The following EIF2AK4 variants were observed in gnomAD, a reference collection of about 807,000 sequenced individuals.
The protein encoded by EIF2AK4 is eukaryotic translation initiation factor 2 alpha kinase 4.
EIF2AK4 carries 139 observed loss-of-function variants against 211.1 expected under a neutral mutation model. That is an observed-to-expected ratio of 0.66 (90% CI 0.57 to 0.76). EIF2AK4 has a LOEUF of 0.76. Among genes scored for constraint, EIF2AK4 ranks in the 30% least tolerant of loss-of-function variants. The pLI is 0.00. For missense variants in EIF2AK4, 1,664 were observed against 2,043.8 expected (o/e 0.81, Z 3.58); for synonymous variants, 710 against 751.3 (o/e 0.94, Z 0.90).
intron 6 of EIF2AK4, among the ~76,000 whole-genome samples, chr15:39,958,906 T>A (rs893117167): frequency 6.1e-5 from 9 of 148,330 alleles, no homozygotes; most frequent in East Asian, 1.9e-4. Context: ...CTTGGCTTTT[T>A]AAAAAAAAAA....
intron 12 of EIF2AK4, chr15:39,977,823 G>A: frequency 1.1e-5 from 3 of 279,396 alleles, no homozygotes; most frequent in Non-Finnish European, 6.6e-6. Flanking sequence ...TATCCAAGTG[G>A]ATACAGTTTA....
At chr15:40,017,501 C>CTTTATATATATATATATATATG (rs1363648720) in intron 29 of EIF2AK4, among the ~76,000 whole-genome samples, 2 of 26,124 alleles carry the variant, frequency 7.7e-5, no homozygotes, top group African/African-American at 3.1e-4. Context: ...TACTCTGTTT[C>CTTTATATATATATATATATATG]TATATATATA....
At chr15:39,982,204 G>A (rs542907651) in intron 13 of EIF2AK4, among the ~76,000 whole-genome samples, 5 of 152,296 alleles carry the variant, frequency 3.3e-5, no homozygotes, top group Admixed American at 2.6e-4. Context: ...GATTACAGGC[G>A]TGAGCCATCG....
chr15:40,028,294 C>T (rs2035493237), intron 33 of EIF2AK4, among the ~76,000 whole-genome samples: 1 of 152,062 alleles, frequency 6.6e-6, no homozygotes, highest in South Asian at 2.1e-4. Flanking sequence ...AGGCTGGTCT[C>T]CAACTCCTGG....
At position 39,987,864 on chromosome 15, in the gene EIF2AK4, C is replaced by T; in HGVS notation, c.2404-119C>T. The T allele has an allele frequency of 4.3e-6, 5 of 1,156,636 alleles. No individual in the cohort carries two copies. In the South Asian group the frequency reaches 1.0e-4, roughly 23 times the overall value. 71.6% of individuals were successfully genotyped at this position (1,156,636 alleles called of 1,614,324 possible). A position where few individuals can be genotyped will look rare whatever the true frequency, so the allele number is the denominator to read the frequency against. ...TTTCGTGTAGAAAACCAAGTCTTTC[C>T]CCTAACCGTTTAAAACCCATGGTAC... On this transcript the variant is annotated intron_variant, in intron 14 of 38. Coordinates refer to ENST00000263791, the MANE Select transcript of EIF2AK4 (RefSeq NM_001013703.4).
chr15:40,005,082 G>A (rs1052324060), intron 23 of EIF2AK4, among the ~76,000 whole-genome samples: 1 of 152,158 alleles, frequency 6.6e-6, no homozygotes, highest in East Asian at 1.9e-4. Context: ...CATAGTAGTA[G>A]ATATTATAAG....
At chr15:39,939,903 G>A (rs1164851345) in intron 2 of EIF2AK4, among the ~76,000 whole-genome samples, 1 of 126,048 alleles carries the variant, frequency 7.9e-6, no homozygotes, top group African/African-American at 3.6e-5. Context: ...TTCTTCATAA[G>A]TTAGGAAGAG....
chr15:40,015,118 A>G (rs1258964309), intron 27 of EIF2AK4, among the ~76,000 whole-genome samples: 3 of 152,202 alleles, frequency 2.0e-5, no homozygotes, highest in African/African-American at 7.2e-5. Flanking sequence ...GTCTCTAGGA[A>G]GTTCCAAACT....
At chr15:40,032,735 G>A (rs747625858) in intron 36 of EIF2AK4, 22 bp from the exon 37 acceptor site, 11 of 1,610,658 alleles carry the variant, frequency 6.8e-6, no homozygotes, top group Admixed American at 1.7e-5. Context: ...GAGAGTTGAT[G>A]TACATTTGTG....
At chr15:39,943,789 A>G (rs1328842791) in intron 3 of EIF2AK4, among the ~76,000 whole-genome samples, 1 of 151,724 alleles carries the variant, frequency 6.6e-6, no homozygotes, top group Non-Finnish European at 1.5e-5. Context: ...AATGGCGAGC[A>G]CCTATCTCTA....
intron 33 of EIF2AK4, among the ~76,000 whole-genome samples, 155 bp downstream of exon 33, chr15:40,026,244 C>G (rs2035464186): frequency 6.6e-6 from 1 of 152,054 alleles, no homozygotes. Context: ...CACTTGAGGC[C>G]AGGAATGCAA....
intron 2 of EIF2AK4, among the ~76,000 whole-genome samples, chr15:39,943,058 CAG>C (rs568461401): frequency 1.3e-4 from 19 of 151,104 alleles, no homozygotes; most frequent in African/African-American, 4.6e-4. Context: ...GTGAAGAACT[CAG>C]AGTTAGGGAT....
At chr15:39,982,952 A>G (rs112680759) in intron 13 of EIF2AK4, among the ~76,000 whole-genome samples, 8 of 152,272 alleles carry the variant, frequency 5.3e-5, no homozygotes, top group African/African-American at 1.9e-4. Flanking sequence ...TCATTGATGG[A>G]CATTTGGGTT....
intron 32 of EIF2AK4, among the ~76,000 whole-genome samples, chr15:40,023,561 C>T (rs1386534860): frequency 6.6e-6 from 1 of 152,186 alleles, no homozygotes; most frequent in Non-Finnish European, 1.5e-5. Flanking sequence ...TCCATTTCGT[C>T]TGAGTTTTCA....
rs370228377 is a variant in EIF2AK4 at position 39,965,769 on chromosome 15, C to G, written c.943C>G (p.Leu315Val). 1 of 1,614,046 alleles carries G rather than the reference C, an allele frequency of 6.2e-7. No individual in the cohort carries two copies. Among genetic ancestry groups the G allele is most frequent in the Non-Finnish European group, 8.5e-7 (1 of 1,179,954 alleles). The change falls in exon 8 of 39, where the codon CTT (leucine) becomes GTT (valine). Residue 315 changes from leucine to valine, a missense_variant. By Grantham distance (32) the Leu-to-Val change is conservative. Around this residue, in one of 7 missense-constraint regions of EIF2AK4, gnomAD observed 641 missense variants for 729.6 expected, o/e 0.88. Coordinates refer to ENST00000263791, the MANE Select transcript of EIF2AK4 (RefSeq NM_001013703.4). ...CTTTGTCTTGTTGTATGAGTGGGTC[C>G]TTCAGTGGCAGAAAAAAATGGGTCC... ...GGFVLLYEWV[L>V]QWQKKMGPFL...
intron 30 of EIF2AK4, among the ~76,000 whole-genome samples, chr15:40,019,644 C>T (rs1595433201): frequency 6.6e-6 from 1 of 152,130 alleles, no homozygotes; most frequent in Non-Finnish European, 1.5e-5. Flanking sequence ...CTAACTAATG[C>T]CTGATGATCC....
Position 40,020,899 on chromosome 15 carries a change from G to T in EIF2AK4, c.4174G>T (p.Val1392Phe). Reference sequence around the variant, plus strand: ...TGTAACCGGTCTGTTTCTGATCCAGGTTACAATAAGCTCTTGTGACCTCCT... The same window carrying T: ...TGTAACCGGTCTGTTTCTGATCCAGTTTACAATAAGCTCTTGTGACCTCCT... ...SAAVLNMEES[V>F]TISSCDLLVV... The change falls in exon 31 of 39, where the codon GTT (valine) becomes TTT (phenylalanine). Residue 1392 changes from valine to phenylalanine, a missense_variant and splice_region_variant. Val to Phe is a conservative substitution (Grantham distance 50). Around this residue, in one of 7 missense-constraint regions of EIF2AK4, gnomAD observed 622 missense variants for 796.8 expected, o/e 0.78. Coordinates refer to ENST00000263791, the MANE Select transcript of EIF2AK4 (RefSeq NM_001013703.4). 1.9e-6 allele frequency: 3 copies of T among 1,608,320 alleles called. No homozygotes were observed. Among genetic ancestry groups the T allele is most frequent in the South Asian group, 1.1e-5 (1 of 90,130 alleles).
At chr15:39,935,615 G>C (rs1226585378) in intron 1 of EIF2AK4, among the ~76,000 whole-genome samples, 1 of 152,078 alleles carries the variant, frequency 6.6e-6, no homozygotes, top group Non-Finnish European at 1.5e-5. Flanking sequence ...ACAGGTGTGG[G>C]CCACCGCGCC....
chr15:39,943,542 A>C (rs374873075), intron 3 of EIF2AK4, 57 bp downstream of exon 3: 1 of 1,371,800 alleles, frequency 7.3e-7, no homozygotes, highest in Admixed American at 2.3e-5. Context: ...ATTACACCTC[A>C]AATCCAATTT....
Sources: gnomAD v4.1 joint callset for allele counts (sites outside exome capture counted in the v4.1 genomes callset) on GRCh38, gnomAD v4.1.1 for gene constraint, gnomAD v4.1.1 regional missense constraint, MANE v1.5 for transcripts, NCBI Gene and HGNC (gene_info 2026-07-23, HGNC 2026-07-21) for gene names.